The following BCR variants were observed in gnomAD, a reference collection of about 807,000 sequenced individuals.
The protein encoded by BCR is breakpoint cluster region protein.
BCR carries 58 observed loss-of-function variants against 138.6 expected under a neutral mutation model. The ratio of observed to expected loss-of-function variants is 0.42; its 90% CI spans 0.34 to 0.52. The LOEUF (loss-of-function observed/expected upper bound fraction) is 0.52. BCR is among the 20% of genes least tolerant of loss of function. The pLI is 0.06. For synonymous variants in BCR, 786 were observed against 730.1 expected (o/e 1.08, Z -1.23); for missense variants, 1,599 against 1,727.2 (o/e 0.93, Z 1.32).
rs764695763 is a variant in BCR, at chr22:23,273,048, G to A, written c.1922-33G>A. On this transcript the variant is annotated intron_variant, in intron 6 of 22. Transcript: ENST00000305877. The stretch of plus-strand genomic sequence containing the variant: ...AGGCAGCTGGTGTGCTTCTCCATGT[G>A]CAACCTCTCTCACCTCCCCTCTCTC... 111 of 1,608,110 alleles carry A rather than the reference G, an allele frequency of 6.9e-5. 1 individual carries two copies. Among genetic ancestry groups the A allele is most frequent in the South Asian group, 5.9e-4 (54 of 90,978 alleles).
In BCR at chr22:23,181,756, G is replaced by C; in HGVS notation, c.796G>C (p.Gly266Arg). 6.2e-7 allele frequency: 1 copy of C among 1,605,222 alleles called. No homozygotes were observed. The highest frequency in any genetic ancestry group is 8.5e-7 in the Non-Finnish European group (1 of 1,179,980). The stretch of plus-strand genomic sequence containing the variant: ...GGACAACCTGATCGACGCCAATGGC[G>C]GTAGCAGGCCCCCTTGGCCGCCCCT... ...LKDNLIDANG[G>R]SRPPWPPLEY... is the part of the protein sequence containing the mutation. The change falls in exon 1 of 23, where the codon GGT (glycine) becomes CGT (arginine). Residue 266 changes from glycine to arginine, a missense_variant. By Grantham distance (125) the Gly-to-Arg change is moderately radical. Around this residue, in one of 4 missense-constraint regions of BCR, gnomAD observed 806 missense variants for 635.0 expected, o/e 1.27. Coordinates refer to ENST00000305877, the MANE Select transcript of BCR (RefSeq NM_004327.4).
chr22:23,302,749 A>G (rs1203347130), intron 16 of BCR: 3 of 152,222 alleles, frequency 2.0e-5, no homozygotes, highest in South Asian at 2.1e-4. Context: ...GGATCCCACA[A>G]ACAAGCCCCC....
Position 23,273,577 on chromosome 22 carries a change from C to T in BCR, c.1975-57C>T, listed in dbSNP as rs1450251144. On this transcript the variant is annotated intron_variant, in intron 7 of 22. Coordinates refer to ENST00000305877, the MANE Select transcript of BCR (RefSeq NM_004327.4). Reference sequence around the variant, plus strand: ...ACACTTTGTGTCTGCACTTTGCACACAGTGGCAGGTGCCAGTGCTCCTCTG... The same window carrying T: ...ACACTTTGTGTCTGCACTTTGCACATAGTGGCAGGTGCCAGTGCTCCTCTG... 2.5e-6 allele frequency: 4 copies of T among 1,607,894 alleles called. No homozygotes were observed. The African/African-American group carries it at 5.3e-5, about 21-fold the overall frequency.
chr22:23,201,601 G>A (rs2146210013), intron 1 of BCR, among the ~76,000 whole-genome samples: 1 of 152,274 alleles, frequency 6.6e-6, no homozygotes, highest in East Asian at 1.9e-4. Context: ...GGGACTACAG[G>A]CACCCACCAC....
chr22:23,221,518 A>G (rs1229962815), intron 1 of BCR, among the ~76,000 whole-genome samples: 2 of 152,168 alleles, frequency 1.3e-5, no homozygotes, highest in African/African-American at 2.4e-5. Context: ...GTTTGGAGCA[A>G]AGGGCTGGGG....
chr22:23,263,227 A>G, intron 4 of BCR: 3 of 996,664 alleles, frequency 3.0e-6, no homozygotes, highest in Non-Finnish European at 4.4e-6. Context: ...CGCCTGCCGG[A>G]AGTGCTGCTG....
At chr22:23,194,108 G>A (rs543421431) in intron 1 of BCR, among the ~76,000 whole-genome samples, 21 of 152,372 alleles carry the variant, frequency 1.4e-4, no homozygotes, top group Non-Finnish European at 2.9e-4. Context: ...GAAGCTCAGC[G>A]TAGCCTGTTC....
chr22:23,266,297 C>T lies in BCR; in HGVS notation c.1753-2111C>T, dbSNP rs183395813. Among the ~76,000 whole-genome samples the T allele has an allele frequency of 3.3e-3, 505 of 152,218 alleles. 4 individuals are homozygous for T. Among genetic ancestry groups the T allele is most frequent in the African/African-American group, 0.011 (477 of 41,502 alleles). On this transcript the variant is annotated intron_variant, in intron 4 of 22. Coordinates refer to ENST00000305877, the MANE Select transcript of BCR (RefSeq NM_004327.4). ...AGAGACAAGGTTTCACCATGTTGGC[C>T]AGGCTGGTCTCAAACTCCTGACCTC...
intron 1 of BCR, among the ~76,000 whole-genome samples, chr22:23,252,194 G>C (rs2073235457): frequency 6.6e-6 from 1 of 152,168 alleles, no homozygotes; most frequent in South Asian, 2.1e-4. Flanking sequence ...TCAGCCAGAA[G>C]CTGGGCCAGA....
chr22:23,277,544 A>G (rs1160533413), intron 8 of BCR, among the ~76,000 whole-genome samples: 3 of 152,116 alleles, frequency 2.0e-5, no homozygotes, highest in African/African-American at 7.2e-5. Context: ...GAGTGTGTCA[A>G]GGGGTTGGGG....
Position 23,181,394 on chromosome 22 carries a change from G to A in BCR, c.434G>A (p.Arg145Gln). ...GAAASGERDD[R>Q]GPPASVAALR... is the part of the protein sequence containing the mutation. ...GCCGCGTCGGGGGAACGGGACGACC[G>A]GGGACCCCCCGCCAGCGTGGCGGCG... Residue 145 changes from arginine (R) to glutamine (Q), a missense_variant, in exon 1 of 23, where the codon CGG becomes CAG. Arg to Gln is a conservative substitution (Grantham distance 43). Transcript: ENST00000305877. 6.4e-7 allele frequency: 1 copy of A among 1,557,206 alleles called. No individual in the cohort carries two copies. Among genetic ancestry groups the A allele is most frequent in the South Asian group, 1.2e-5 (1 of 84,020 alleles).
At chr22:23,271,493 T>C (rs372710022) in intron 5 of BCR, 39 bp from the exon 6 acceptor site, 8 of 1,606,276 alleles carry the variant, frequency 5.0e-6, no homozygotes, top group Non-Finnish European at 6.0e-6. Context: ...TCAAAGCTGC[T>C]TCTGTCATCT....
At chr22:23,304,213 T>A (rs947742761) in intron 16 of BCR, among the ~76,000 whole-genome samples, 1 of 151,504 alleles carries the variant, frequency 6.6e-6, no homozygotes, top group African/African-American at 2.4e-5. Context: ...GTGCTGAGAT[T>A]ACAGGTGTGA....
chr22:23,278,239 G>A (rs141040231), intron 8 of BCR, among the ~76,000 whole-genome samples: 120 of 152,322 alleles, frequency 7.9e-4, no homozygotes, highest in African/African-American at 2.6e-3. Context: ...GAGCCAGCCA[G>A]GCATTGACCT....
intron 1 of BCR, among the ~76,000 whole-genome samples, chr22:23,246,967 A>G (rs2267019): frequency 0.19 from 29,020 of 151,886 alleles, 3,394 homozygotes; most frequent in East Asian, 0.56. Flanking sequence ...GTGCCAGGCT[A>G]TGGATGAGCG....
intron 16 of BCR, among the ~76,000 whole-genome samples, chr22:23,304,819 A>G (rs1350674397): frequency 6.6e-6 from 1 of 152,230 alleles, no homozygotes. Context: ...GCAAAGAGTT[A>G]AAAGTGGGAT....
At chr22:23,290,184 G>A (rs2073769223) in intron 13 of BCR, 155 bp from the exon 14 acceptor site, 2 of 732,942 alleles carry the variant, frequency 2.7e-6, no homozygotes, top group South Asian at 1.5e-5. Flanking sequence ...ATCATGATGA[G>A]TATGTTTTTG....
At chr22:23,289,337 ACT>A (rs1488846798) in intron 12 of BCR, among the ~76,000 whole-genome samples, 178 bp from the exon 13 acceptor site, 2 of 151,642 alleles carry the variant, frequency 1.3e-5, no homozygotes, top group Non-Finnish European at 2.9e-5. Flanking sequence ...GCCACACCTC[ACT>A]CTGCCGCCAG....
intron 4 of BCR, among the ~76,000 whole-genome samples, chr22:23,266,515 G>A (rs577870610): frequency 1.6e-4 from 25 of 151,984 alleles, no homozygotes; most frequent in South Asian, 4.2e-4. Context: ...TCAGCCTCCC[G>A]AGTGGCTGGG....
Sources: allele counts gnomAD v4.1 joint callset (sites outside exome capture counted in the v4.1 genomes callset), GRCh38; gene constraint gnomAD v4.1.1; regional missense constraint gnomAD v4.1.1; transcripts MANE v1.5; gene names NCBI Gene and HGNC (gene_info 2026-07-23, HGNC 2026-07-21).